BRAF: variants seen among roughly 807,000 people sequenced by gnomAD.
BRAF encodes serine/threonine-protein kinase B-raf.
BRAF carries 16 observed loss-of-function variants against 104.6 expected under a neutral mutation model. The ratio of observed to expected loss-of-function variants is 0.15; its 90% CI spans 0.10 to 0.23. BRAF has a LOEUF of 0.23. Among genes scored for constraint, BRAF ranks in the 10% least tolerant of loss-of-function variants. The pLI is 1.00. For missense variants in BRAF, 541 were observed against 937.3 expected (o/e 0.58, Z 5.52); for synonymous variants, 310 against 341.6 (o/e 0.91, Z 1.02).
At chr7:140,734,338 C>T in intron 19 of BRAF, 1 of 1,311,230 alleles carries the variant, frequency 7.6e-7, no homozygotes. Context: ...AAACCCGGAA[C>T]AGAAAGTAAA....
chr7:140,832,404 C>A (rs1395361730), intron 3 of BRAF, among the ~76,000 whole-genome samples: 1 of 152,090 alleles, frequency 6.6e-6, no homozygotes, highest in Non-Finnish European at 1.5e-5. Context: ...AAGTCCTTAG[C>A]ACAGAACTTG....
intron 12 of BRAF, among the ~76,000 whole-genome samples, chr7:140,779,143 T>C (rs543353671): frequency 1.9e-4 from 29 of 152,370 alleles, no homozygotes; most frequent in African/African-American, 7.0e-4. Context: ...GCACTTCCTG[T>C]TGTAATCACA....
In BRAF at chr7:140,784,099, T is replaced by TTCTA. The variant is rs548378960; in HGVS notation, c.1298-946_1298-943dup. Among the ~76,000 whole-genome samples, 16 of 152,230 alleles carry TTCTA rather than the reference T, an allele frequency of 1.1e-4. No homozygotes were observed. In the South Asian group the frequency reaches 1.5e-3, roughly 14 times the overall value. On this transcript the variant is annotated intron_variant, in intron 10 of 19. Transcript: ENST00000644969. The stretch of plus-strand genomic sequence containing the variant: ...TAGAACTCAGATGTCCAGGCAATAG[T>TTCTA]TCTATATACAGAACAACAAAATGAC...
chr7:140,724,049 G>A lies in BRAF; in HGVS notation c.*2445C>T, dbSNP rs1441048285. The A allele has an allele frequency of 9.5e-7, 1 of 1,047,728 alleles. No individual in the cohort carries two copies. 64.9% of individuals were successfully genotyped at this position (1,047,728 alleles called of 1,614,324 possible). ...ATAAAAATCTCAATATGCTAAGCCTGGCTCCTGGGCACAGCTTCATTTGAG... is the reference window on the plus strand; with the variant it reads ...ATAAAAATCTCAATATGCTAAGCCTAGCTCCTGGGCACAGCTTCATTTGAG... On this transcript the variant is annotated 3_prime_UTR_variant, in exon 20 of 20. Coordinates refer to ENST00000644969, the MANE Select transcript of BRAF (RefSeq NM_001374258.1).
rs897379435 is a variant in BRAF, at chr7:140,919,830, G to T, written c.138+4736C>A. Among the ~76,000 whole-genome samples, 436 of 148,336 alleles carry T rather than the reference G, an allele frequency of 2.9e-3. 2 individuals carry two copies. Among genetic ancestry groups the T allele is most frequent in the African/African-American group, 0.01 (404 of 40,086 alleles). The stretch of plus-strand genomic sequence containing the variant: ...AGAAGTTCTACAAGCAAGTTTTTTT[G>T]TTTTTTTTTTGTTTGTTTGTTTGTT... On this transcript the variant is annotated intron_variant, in intron 1 of 19. Coordinates refer to ENST00000644969, the MANE Select transcript of BRAF (RefSeq NM_001374258.1).
intron 1 of BRAF, among the ~76,000 whole-genome samples, chr7:140,914,644 G>T (rs1817377067): frequency 6.6e-6 from 1 of 151,732 alleles, no homozygotes; most frequent in Non-Finnish European, 1.5e-5. Flanking sequence ...AGTTATAAAG[G>T]CAATAACTGC....
intron 2 of BRAF, among the ~76,000 whole-genome samples, chr7:140,841,078 T>C (rs1333967183): frequency 6.6e-6 from 1 of 151,988 alleles, no homozygotes; most frequent in Non-Finnish European, 1.5e-5. Context: ...GGCAAAGGAT[T>C]TGAATAGACA....
At chr7:140,834,582 A>G in intron 3 of BRAF, 27 bp downstream of exon 3, 2 of 1,613,410 alleles carry the variant, frequency 1.2e-6, no homozygotes, top group South Asian at 1.1e-5. Context: ...AAGAAACAGC[A>G]AAATGGTGAT....
rs541030250 is a variant in BRAF, at chr7:140,899,436, T to C, written c.138+25130A>G. Among the ~76,000 whole-genome samples, 62 of 152,172 alleles carry C rather than the reference T, an allele frequency of 4.1e-4. 1 individual carries two copies. The South Asian group carries it at 5.2e-3, about 13-fold the overall frequency. On this transcript the variant is annotated intron_variant, in intron 1 of 19. Coordinates refer to ENST00000644969, the MANE Select transcript of BRAF (RefSeq NM_001374258.1). ...GGATATCCTATTATTTTCCAAAGGATTTTTCCCCCCAATTTACATTCCCAT... is the reference window on the plus strand; with the variant it reads ...GGATATCCTATTATTTTCCAAAGGACTTTTCCCCCCAATTTACATTCCCAT...
chr7:140,896,484 G>A (rs569058386), intron 1 of BRAF, among the ~76,000 whole-genome samples: 7 of 151,770 alleles, frequency 4.6e-5, no homozygotes, highest in South Asian at 2.1e-4. Flanking sequence ...ATCCCAACAC[G>A]TTGGGAGGCT....
chr7:140,770,527 C>CCA (rs1799734966), intron 14 of BRAF, among the ~76,000 whole-genome samples: 2 of 63,586 alleles, frequency 3.1e-5, no homozygotes, highest in African/African-American at 8.9e-5. Context: ...TAAGGCCTGC[C>CCA]AAAAAAAAAA....
At chr7:140,728,697 A>G (rs752724278) in intron 19 of BRAF, among the ~76,000 whole-genome samples, 3 of 152,208 alleles carry the variant, frequency 2.0e-5, no homozygotes, top group Admixed American at 2.0e-4. Flanking sequence ...TTATAATTTT[A>G]AGGTTGCTAT....
chr7:140,880,617 G>A (rs1214885989), intron 1 of BRAF, among the ~76,000 whole-genome samples: 1 of 152,068 alleles, frequency 6.6e-6, no homozygotes, highest in African/African-American at 2.4e-5. Context: ...GAATATCTAT[G>A]GCAGCTATAG....
chr7:140,792,313 A>G (rs2129036205), intron 8 of BRAF, among the ~76,000 whole-genome samples: 1 of 152,316 alleles, frequency 6.6e-6, no homozygotes, highest in African/African-American at 2.4e-5. Context: ...TCTAAAATAT[A>G]GAGCTGATGA....
rs191962609 is a variant in BRAF, at chr7:140,915,804, T to C, written c.138+8762A>G. Among the ~76,000 whole-genome samples, 3 of 152,028 alleles carry C rather than the reference T, an allele frequency of 2.0e-5. No homozygotes were observed. The East Asian group carries it at 5.8e-4, about 29-fold the overall frequency. On this transcript the variant is annotated intron_variant, in intron 1 of 19. Coordinates refer to ENST00000644969, the MANE Select transcript of BRAF (RefSeq NM_001374258.1). ...TAAAAACAGATTAATTTTGGAACAATAGTTAAAAATAGTCTGCCAAGATAT... is the reference window on the plus strand; with the variant it reads ...TAAAAACAGATTAATTTTGGAACAACAGTTAAAAATAGTCTGCCAAGATAT...
At chr7:140,896,464 C>A (rs939347859) in intron 1 of BRAF, among the ~76,000 whole-genome samples, 9 of 152,046 alleles carry the variant, frequency 5.9e-5, no homozygotes, top group African/African-American at 2.2e-4. Flanking sequence ...AGTAGTGGCT[C>A]ACACCTGTAA....
At chr7:140,737,368 C>T (rs1046446226) in intron 18 of BRAF, among the ~76,000 whole-genome samples, 3 of 152,066 alleles carry the variant, frequency 2.0e-5, no homozygotes, top group African/African-American at 4.8e-5. Context: ...ACCTGAGAGG[C>T]GAAATTAAAA....
At chr7:140,850,920 A>T (rs1258430929) in intron 1 of BRAF, among the ~76,000 whole-genome samples, 2 of 152,220 alleles carry the variant, frequency 1.3e-5, no homozygotes, top group Non-Finnish European at 2.9e-5. Context: ...TATAAAAGAA[A>T]GGCAAAGTTC....
chr7:140,899,777 C>G (rs930104852), intron 1 of BRAF, among the ~76,000 whole-genome samples: 2 of 152,052 alleles, frequency 1.3e-5, no homozygotes, highest in Non-Finnish European at 2.9e-5. Context: ...AGTAGGTAGC[C>G]TCTAAACTGG....
Sources: allele counts gnomAD v4.1 joint callset (sites outside exome capture counted in the v4.1 genomes callset), GRCh38; gene constraint gnomAD v4.1.1; transcripts MANE v1.5; gene names NCBI Gene and HGNC (gene_info 2026-07-23, HGNC 2026-07-21).